Variants in GOLGB1 observed in about 807,000 individuals in gnomAD.
GOLGB1 encodes golgin B1.
GOLGB1 carries 174 observed loss-of-function variants against 336.9 expected under a neutral mutation model. The ratio of observed to expected loss-of-function variants is 0.52; its 90% CI spans 0.46 to 0.59. The LOEUF is 0.59. GOLGB1 is among the 20% of genes least tolerant of loss of function. The pLI is 0.00. For synonymous variants in GOLGB1, 1,208 were observed against 1,289.2 expected, an observed-to-expected ratio of 0.94 and a Z score of 1.35; for missense variants, 3,331 against 3,645.3, an observed-to-expected ratio of 0.91 and a Z score of 2.22.
At chr3:121,690,309 A>G (rs953037662) in intron 14 of GOLGB1, among the ~76,000 whole-genome samples, 5 of 152,186 alleles carry the variant, frequency 3.3e-5, no homozygotes, top group African/African-American at 1.2e-4. Context: ...AGAAGGCACT[A>G]AGTGATCCTT....
intron 6 of GOLGB1, among the ~76,000 whole-genome samples, chr3:121,720,288 A>C (rs1049828204): frequency 6.6e-6 from 1 of 152,180 alleles, no homozygotes; most frequent in African/African-American, 2.4e-5. Flanking sequence ...CTACCAAAGA[A>C]CCTCATGTGC....
chr3:121,720,716 G>A (rs950678341), intron 6 of GOLGB1, among the ~76,000 whole-genome samples: 19 of 152,104 alleles, frequency 1.2e-4, no homozygotes, highest in African/African-American at 4.3e-4. Context: ...TCTTTCATTA[G>A]CCAAACATCT....
chr3:121,724,793 A>T (rs1287307096), intron 5 of GOLGB1, among the ~76,000 whole-genome samples: 1 of 152,188 alleles, frequency 6.6e-6, no homozygotes, highest in Admixed American at 6.5e-5. Context: ...ACAGGCCCAA[A>T]GCCCTAAGAG....
Position 121,695,964 on chromosome 3 carries a change from C to T in GOLGB1, c.4559G>A (p.Arg1520His), listed in dbSNP as rs763083221. Reference sequence around the variant, plus strand: ...CACATCTGCCAGAGACTTGGTGAGACGTTCAATGGTACCTCTGGCCAAAGA... The same window carrying T: ...CACATCTGCCAGAGACTTGGTGAGATGTTCAATGGTACCTCTGGCCAAAGA... ...ELSLARGTIE[R>H]LTKSLADVES... is the part of the protein sequence containing the mutation. Residue 1520 changes from arginine to histidine, a missense_variant, in exon 13 of 22, where the codon CGT becomes CAT. Arg to His is a conservative substitution (Grantham distance 29). Coordinates refer to ENST00000614479, the MANE Select transcript of GOLGB1 (RefSeq NM_001366282.2). 28 of 1,613,832 alleles carry T rather than the reference C, an allele frequency of 1.7e-5. No individual in the cohort carries two copies. The highest frequency in any genetic ancestry group is 1.5e-4 in the African/African-American group (11 of 74,924).
chr3:121,690,866 T>C lies in GOLGB1; in HGVS notation c.8498A>G (p.Tyr2833Cys). Residue 2833 changes from tyrosine (Y) to cysteine (C), a missense_variant, in exon 14 of 22, where the codon TAT (tyrosine) becomes TGT (cysteine). By Grantham distance (194) the Tyr-to-Cys change is radical. Transcript: ENST00000614479. Reference sequence around the variant, plus strand: ...CTTGGAAAAGGACTGCACTTGGTTATAAGAATCTTCTAGTTGTGAGGACAA... The same window carrying C: ...CTTGGAAAAGGACTGCACTTGGTTACAAGAATCTTCTAGTTGTGAGGACAA... ...LHLSSQLEDS[Y>C]NQVQSFSKAM... 2 of 1,614,122 alleles carry C rather than the reference T, an allele frequency of 1.2e-6. No homozygotes were observed. The highest frequency in any genetic ancestry group is 1.7e-5 in the Admixed American group (1 of 60,016).
intron 10 of GOLGB1, among the ~76,000 whole-genome samples, chr3:121,712,965 C>A (rs922000500): frequency 3.9e-5 from 6 of 152,068 alleles, no homozygotes; most frequent in African/African-American, 1.4e-4. Context: ...AGTTTGAGAC[C>A]AGCCTGGCCA....
At chr3:121,744,441 C>CAAAA (rs11290154) in intron 1 of GOLGB1, among the ~76,000 whole-genome samples, 27 of 73,062 alleles carry the variant, frequency 3.7e-4, no homozygotes, top group Non-Finnish European at 5.1e-4. Flanking sequence ...ACTGTCTCTA[C>CAAAA]AAAAAAAAAA....
At position 121,727,008 on chromosome 3, in the gene GOLGB1, T is replaced by C; in HGVS notation, c.436A>G (p.Ile146Val). ...TGGAGCTTATGTTTTATCTTTTCTA[T>C]TTCCATCTCTTCCTCTGTAGAACTC... ...DKSSTEEEME[I>V]EKIKHKLQEK... The change falls in exon 5 of 22, where the codon ATA (isoleucine) becomes GTA (valine). Residue 146 changes from isoleucine (I) to valine (V), a missense_variant. By Grantham distance (29) the Ile-to-Val change is conservative. Transcript: ENST00000614479. 1.9e-6 allele frequency: 3 copies of C among 1,595,978 alleles called. No homozygotes were observed. The highest frequency in any genetic ancestry group is 2.6e-6 in the Non-Finnish European group (3 of 1,166,324).
chr3:121,739,822 C>T (rs964593233), intron 1 of GOLGB1, among the ~76,000 whole-genome samples: 1 of 152,086 alleles, frequency 6.6e-6, no homozygotes, highest in African/African-American at 2.4e-5. Context: ...CTGATATATA[C>T]AGGCAAATGG....
rs1942326339 is a variant in GOLGB1, at chr3:121,690,677, T to A, written c.8687A>T (p.Asp2896Val). Residue 2896 changes from aspartate (D) to valine (V), a missense_variant, in exon 14 of 22, where the codon GAC becomes GTC. Physicochemically the swap from Asp to Val is radical, Grantham distance 152 (BLOSUM62 -3). Coordinates refer to ENST00000614479, the MANE Select transcript of GOLGB1 (RefSeq NM_001366282.2). ...KAMSSLQNDRDRLLKELKNLQ... is the reference protein window; with the variant it reads ...KAMSSLQNDRVRLLKELKNLQ... The stretch of plus-strand genomic sequence containing the variant: ...AAAGAACTAGCTACTCACTAGTCTG[T>A]CTCTGTCATTTTGGAGTGAAGACAT... 1 of 1,491,214 alleles carries A rather than the reference T, an allele frequency of 6.7e-7. No homozygotes were observed. The highest frequency in any genetic ancestry group is 9.0e-7 in the Non-Finnish European group (1 of 1,114,214). 92.4% of individuals were successfully genotyped at this position (1,491,214 alleles called of 1,614,324 possible).
intron 14 of GOLGB1, among the ~76,000 whole-genome samples, chr3:121,684,141 A>AAAAAAAAAAAAAAAAAAAAAAAAAAAG (rs1941448416): frequency 6.7e-6 from 1 of 148,562 alleles, no homozygotes; most frequent in Admixed American, 6.7e-5. Flanking sequence ...AAAAAAAAAA[A>AAAAAAAAAAAAAAAAAAAAAAAAAAAG]AAAAAAAAAA....
At chr3:121,699,644 T>C (rs1943228291) in intron 12 of GOLGB1, among the ~76,000 whole-genome samples, 168 bp downstream of exon 12, 1 of 152,138 alleles carries the variant, frequency 6.6e-6, no homozygotes, top group Non-Finnish European at 1.5e-5. Flanking sequence ...CAGAAACAAG[T>C]AACAATAAAT....
At chr3:121,712,753 G>A (rs1049663800) in intron 10 of GOLGB1, among the ~76,000 whole-genome samples, 3 of 152,144 alleles carry the variant, frequency 2.0e-5, no homozygotes, top group Non-Finnish European at 4.4e-5. Context: ...AAACCACAAT[G>A]AAATACCACT....
chr3:121,698,169 CT>C lies in GOLGB1; in HGVS notation c.2353del (p.Arg785GlufsTer24). On this transcript the variant is annotated frameshift_variant, in exon 13 of 22. Transcript: ENST00000614479. LOFTEE classifies it high-confidence loss of function. The stretch of plus-strand genomic sequence containing the variant: ...AGTTTGGCTTTCATAATCAAGTCTT[CT>C]TTGCCTTTCTGCTTCTGCAAGGTTC... Reference protein sequence around the residue: ...EMNLAEAERQRRLDYESQTAH... With the variant: ...EMNLAEAERQXRLDYESQTAH... 1 of 1,613,728 alleles carries C rather than the reference CT, an allele frequency of 6.2e-7. No individual in the cohort carries two copies. Among genetic ancestry groups the C allele is most frequent in the Non-Finnish European group, 8.5e-7 (1 of 1,179,928 alleles).
At chr3:121,674,886 A>G (rs1030377197) in intron 17 of GOLGB1, among the ~76,000 whole-genome samples, 1 of 128,134 alleles carries the variant, frequency 7.8e-6, no homozygotes, top group Non-Finnish European at 1.6e-5. Flanking sequence ...CGGACTGCGG[A>G]CTGCAGTGGC....
chr3:121,695,432 C>T lies in GOLGB1; in HGVS notation c.5091G>A (p.Leu1697=). ...AKSKQQKILE[L]EEENDRLRAE... ...CCCTAAGCCGGTCATTCTCTTCTTC[C>T]AGCTCTAGGATTTTCTGCTGTTTAG... Residue 1697 remains leucine, a synonymous_variant, in exon 13 of 22, where the codon CTG becomes CTA. Coordinates refer to ENST00000614479, the MANE Select transcript of GOLGB1 (RefSeq NM_001366282.2). The T allele has an allele frequency of 6.2e-7, 1 of 1,614,046 alleles. No individual in the cohort carries two copies. Among genetic ancestry groups the T allele is most frequent in the South Asian group, 1.1e-5 (1 of 91,082 alleles).
At chr3:121,722,425 A>T in intron 5 of GOLGB1, 47 bp from the exon 6 acceptor site, 1 of 988,826 alleles carries the variant, frequency 1.0e-6, no homozygotes, top group Non-Finnish European at 1.6e-6. Flanking sequence ...TTTAAGCAAA[A>T]GAATGAGCAT....
rs1041135668 is a variant in GOLGB1 at position 121,745,532 on chromosome 3, G to C, written c.-3+4100C>G. Among the ~76,000 whole-genome samples the C allele has an allele frequency of 9.3e-5, 14 of 150,208 alleles. No individual in the cohort carries two copies. In the East Asian group the frequency reaches 2.3e-3, roughly 25 times the overall value. On this transcript the variant is annotated intron_variant, in intron 1 of 21. Coordinates refer to ENST00000614479, the MANE Select transcript of GOLGB1 (RefSeq NM_001366282.2). ...TATGTATATATACATATGTATACGTGTATGTATATATATACATATGTATAC... is the reference window on the plus strand; with the variant it reads ...TATGTATATATACATATGTATACGTCTATGTATATATATACATATGTATAC...
intron 20 of GOLGB1, 64 bp downstream of exon 20, chr3:121,667,412 A>C: frequency 6.7e-7 from 1 of 1,494,062 alleles, no homozygotes; most frequent in Non-Finnish European, 9.1e-7. Flanking sequence ...TCTGGCAGGA[A>C]ATGTACATGA....
Sources: gnomAD v4.1 joint callset for allele counts (sites outside exome capture counted in the v4.1 genomes callset) on GRCh38, gnomAD v4.1.1 for gene constraint, MANE v1.5 for transcripts, NCBI Gene and HGNC (gene_info 2026-07-23, HGNC 2026-07-21) for gene names.